The following CBLB variants were observed in gnomAD, a reference collection of about 807,000 sequenced individuals.
CBLB encodes the protein E3 ubiquitin-protein ligase CBL-B.
In CBLB, 31 loss-of-function variants were observed where a neutral mutation model predicts 104.9. The observed-to-expected ratio is 0.30, with a 90% CI of 0.22 to 0.40. The LOEUF (loss-of-function observed/expected upper bound fraction) is 0.40, where lower values mean the gene tolerates loss of function less well. Among genes scored for constraint, CBLB ranks in the 10% least tolerant of loss-of-function variants. The pLI is 1.00. For missense variants in CBLB, 1,062 were observed against 1,214.6 expected (o/e 0.87, Z 1.87); for synonymous variants, 440 against 422.6 (o/e 1.04, Z -0.51).
intron 13 of CBLB, 35 bp downstream of exon 13, chr3:105,693,459 A>C (rs1223990546): frequency 4.3e-6 from 6 of 1,387,254 alleles, no homozygotes; most frequent in Non-Finnish European, 5.1e-6. Flanking sequence ...ATCTTGATGC[A>C]TAGACAAGTG....
intron 3 of CBLB, among the ~76,000 whole-genome samples, chr3:105,822,053 G>A (rs1286098188): frequency 6.6e-6 from 1 of 151,994 alleles, no homozygotes; most frequent in Non-Finnish European, 1.5e-5. Flanking sequence ...TCATATGGAT[G>A]TATAAGTTAT....
intron 18 of CBLB, among the ~76,000 whole-genome samples, chr3:105,662,869 C>G (rs915013333): frequency 6.6e-6 from 1 of 152,144 alleles, no homozygotes; most frequent in Non-Finnish European, 1.5e-5. Flanking sequence ...TGTGGCCGAC[C>G]GCCACTGCTA....
intron 10 of CBLB, among the ~76,000 whole-genome samples, chr3:105,709,261 G>T (rs1343545291): frequency 2.6e-5 from 4 of 151,850 alleles, no homozygotes; most frequent in Non-Finnish European, 5.9e-5. Context: ...AACAACAAAT[G>T]ATAACAAGAA....
intron 3 of CBLB, among the ~76,000 whole-genome samples, chr3:105,840,451 GA>G (rs557486361): frequency 9.9e-5 from 15 of 151,292 alleles, no homozygotes; most frequent in African/African-American, 3.6e-4. Context: ...TTAATGAAGA[GA>G]AAAAACAACA....
intron 3 of CBLB, among the ~76,000 whole-genome samples, chr3:105,825,896 C>T (rs1005831502): frequency 2.0e-5 from 3 of 152,108 alleles, no homozygotes; most frequent in African/African-American, 7.2e-5. Context: ...AATTTTTATA[C>T]TCGTATTTCA....
At chr3:105,852,642 C>A (rs1486175004) in intron 3 of CBLB, among the ~76,000 whole-genome samples, 1 of 152,062 alleles carries the variant, frequency 6.6e-6, no homozygotes, top group Non-Finnish European at 1.5e-5. Context: ...CAGTCCTAGG[C>A]CTTCACATTC....
intron 4 of CBLB, among the ~76,000 whole-genome samples, chr3:105,759,188 T>G (rs532660901): frequency 3.9e-5 from 6 of 152,162 alleles, no homozygotes; most frequent in Non-Finnish European, 8.8e-5. Context: ...GAGACTCAAA[T>G]TGGGTAGCTT....
chr3:105,764,771 G>A (rs1456418674), intron 4 of CBLB, among the ~76,000 whole-genome samples: 1 of 152,200 alleles, frequency 6.6e-6, no homozygotes, highest in Non-Finnish European at 1.5e-5. Context: ...TGAATGGAAA[G>A]GAGAAGTTCA....
intron 3 of CBLB, among the ~76,000 whole-genome samples, chr3:105,835,602 G>C (rs1414820159): frequency 1.3e-5 from 2 of 152,328 alleles, no homozygotes; most frequent in South Asian, 4.1e-4. Flanking sequence ...ACTAGCTCCA[G>C]ATTAACTAAT....
At chr3:105,775,441 T>C (rs571993329) in intron 4 of CBLB, among the ~76,000 whole-genome samples, 50 of 152,256 alleles carry the variant, frequency 3.3e-4, no homozygotes, top group African/African-American at 1.2e-3. Flanking sequence ...AAAAAAAGTG[T>C]ATACTAACAA....
intron 6 of CBLB, 96 bp downstream of exon 6, chr3:105,745,821 G>GC: frequency 9.1e-7 from 1 of 1,102,142 alleles, no homozygotes; most frequent in Non-Finnish European, 1.4e-6. Flanking sequence ...TCCCAAGCAT[G>GC]CCATCAGCGG....
chr3:105,791,681 A>G (rs1481652256), intron 3 of CBLB, among the ~76,000 whole-genome samples: 1 of 152,222 alleles, frequency 6.6e-6, no homozygotes, highest in African/African-American at 2.4e-5. Context: ...TTATGGAGCA[A>G]GATAAATTTC....
In CBLB at chr3:105,797,229, T is replaced by C. The variant is rs117926321; in HGVS notation, c.420-20687A>G. ...CTGGATAAAGACAGTGTGGTACATA[T>C]ACACCATGGAATACTACACGTCATA... On this transcript the variant is annotated intron_variant, in intron 3 of 18. Coordinates refer to ENST00000394030, the MANE Select transcript of CBLB (RefSeq NM_170662.5). Among the ~76,000 whole-genome samples the C allele has an allele frequency of 6.4e-3, 975 of 152,278 alleles. 30 individuals are homozygous for C. Among genetic ancestry groups the C allele is most frequent in the East Asian group, 0.053 (273 of 5,186 alleles).
intron 3 of CBLB, among the ~76,000 whole-genome samples, chr3:105,846,574 G>A (rs904494850): frequency 8.5e-5 from 13 of 152,066 alleles, no homozygotes; most frequent in Non-Finnish European, 1.9e-4. Flanking sequence ...AGGTGAAAAT[G>A]TTATGAATAA....
chr3:105,677,416 T>C (rs2065790535), intron 17 of CBLB, among the ~76,000 whole-genome samples: 1 of 151,424 alleles, frequency 6.6e-6, no homozygotes. Flanking sequence ...CTGAGGAAGC[T>C]GATAAGGGAA....
At position 105,867,464 on chromosome 3, in the gene CBLB, T is replaced by G. The variant is rs892991297; in HGVS notation, c.114A>C (p.Gln38His). ...AIQDAVGPPK[Q>H]AAADRRTVEK... is the part of the protein sequence containing the mutation. Reference sequence around the variant, plus strand: ...CCACGGTCCTGCGATCTGCGGCAGCTTGCTTAGGGGGTCCAACTGCATCCT... The same window carrying G: ...CCACGGTCCTGCGATCTGCGGCAGCGTGCTTAGGGGGTCCAACTGCATCCT... Residue 38 changes from glutamine (Q) to histidine (H), a missense_variant, in exon 2 of 19, where the codon CAA becomes CAC. Around this residue, in one of 2 missense-constraint regions of CBLB, gnomAD observed 457 missense variants for 632.0 expected, o/e 0.72. Coordinates refer to ENST00000394030, the MANE Select transcript of CBLB (RefSeq NM_170662.5). 6.2e-6 allele frequency: 10 copies of G among 1,614,176 alleles called. No homozygotes were observed. The highest frequency in any genetic ancestry group is 7.6e-6 in the Non-Finnish European group (9 of 1,180,034).
intron 6 of CBLB, among the ~76,000 whole-genome samples, chr3:105,741,879 A>G (rs1418248011): frequency 6.6e-6 from 1 of 152,198 alleles, no homozygotes; most frequent in South Asian, 2.1e-4. Flanking sequence ...CCTAAAGCTC[A>G]AAAGTGCAAA....
At chr3:105,725,825 G>C (rs1173659776) in intron 9 of CBLB, among the ~76,000 whole-genome samples, 1 of 152,008 alleles carries the variant, frequency 6.6e-6, no homozygotes, top group African/African-American at 2.4e-5. Context: ...AAGGAAGATA[G>C]AGTAAAACAT....
chr3:105,797,297 C>T (rs1225428228), intron 3 of CBLB, among the ~76,000 whole-genome samples: 1 of 152,142 alleles, frequency 6.6e-6, no homozygotes, highest in African/African-American at 2.4e-5. Context: ...ATGGATGGAG[C>T]TGGAGGCCAT....
Sources: gnomAD v4.1 joint callset for allele counts (sites outside exome capture counted in the v4.1 genomes callset) on GRCh38, gnomAD v4.1.1 for gene constraint, gnomAD v4.1.1 regional missense constraint, MANE v1.5 for transcripts, NCBI Gene and HGNC (gene_info 2026-07-23, HGNC 2026-07-21) for gene names.